Variants in VPS8 observed in about 807,000 individuals in gnomAD.
VPS8 encodes the protein vacuolar protein sorting-associated protein 8 homolog.
VPS8 carries 129 observed loss-of-function variants against 216.4 expected under a neutral mutation model. The ratio of observed to expected loss-of-function variants is 0.60; its 90% CI spans 0.52 to 0.69. VPS8 has a LOEUF of 0.69. Ranked by LOEUF, VPS8 falls within the 30% of genes least tolerant of loss-of-function variation. The pLI is 0.00. For missense variants in VPS8, 1,531 were observed against 1,683.5 expected, an observed-to-expected ratio of 0.91 and a Z score of 1.59; for synonymous variants, 571 against 565.4, an observed-to-expected ratio of 1.01 and a Z score of -0.14.
intron 26 of VPS8, among the ~76,000 whole-genome samples, 185 bp from the exon 27 acceptor site, chr3:184,914,796 A>G (rs1403171861): frequency 1.3e-5 from 2 of 152,144 alleles, no homozygotes; most frequent in Non-Finnish European, 2.9e-5. Context: ...TCACCTCCAT[A>G]TCTGTTGCCC....
chr3:184,899,185 CATTT>C (rs1734044381), intron 24 of VPS8, among the ~76,000 whole-genome samples: 1 of 152,138 alleles, frequency 6.6e-6, no homozygotes, highest in Non-Finnish European at 1.5e-5. Flanking sequence ...ATCTAAAAAA[CATTT>C]GGACTTACTT....
At chr3:184,918,699 G>A (rs1025350683) in intron 28 of VPS8, among the ~76,000 whole-genome samples, 2 of 152,176 alleles carry the variant, frequency 1.3e-5, no homozygotes, top group Non-Finnish European at 2.9e-5. Context: ...AAATGCATGT[G>A]TTAATTCTCC....
intron 1 of VPS8, chr3:184,824,131 A>G (rs1029159247): frequency 6.5e-6 from 1 of 153,850 alleles, no homozygotes; most frequent in African/African-American, 2.4e-5. Flanking sequence ...AAACTGGTTT[A>G]TATGCTTATT....
chr3:185,031,329 G>T (rs1037277622), intron 46 of VPS8, among the ~76,000 whole-genome samples: 3 of 152,042 alleles, frequency 2.0e-5, no homozygotes, highest in Admixed American at 2.0e-4. Flanking sequence ...GCAAAGATGC[G>T]AGTTCTCATA....
At chr3:184,875,258 C>T (rs1374415389) in intron 21 of VPS8, among the ~76,000 whole-genome samples, 2 of 152,000 alleles carry the variant, frequency 1.3e-5, no homozygotes, top group Non-Finnish European at 2.9e-5. Context: ...CAATTTTAAT[C>T]TTTACCCTTG....
At chr3:185,003,066 G>A (rs1366301697) in intron 45 of VPS8, among the ~76,000 whole-genome samples, 1 of 151,720 alleles carries the variant, frequency 6.6e-6, no homozygotes, top group Non-Finnish European at 1.5e-5. Context: ...ATTCCCACTA[G>A]CAGTGTAAAA....
At chr3:184,891,697 A>T (rs1732388070) in intron 22 of VPS8, among the ~76,000 whole-genome samples, 1 of 152,178 alleles carries the variant, frequency 6.6e-6, no homozygotes. Context: ...ATTTGTTAAA[A>T]TTCATTTGAA....
chr3:184,909,014 G>A (rs958358400), intron 25 of VPS8, among the ~76,000 whole-genome samples: 1 of 152,238 alleles, frequency 6.6e-6, no homozygotes, highest in Non-Finnish European at 1.5e-5. Context: ...ATCCGGACCA[G>A]TAATCTGGTC....
chr3:185,051,896 C>A lies in VPS8; in HGVS notation c.4158C>A (p.Leu1386=). The A allele has an allele frequency of 6.2e-7, 1 of 1,609,432 alleles. No individual in the cohort carries two copies. The highest frequency in any genetic ancestry group is 8.5e-7 in the Non-Finnish European group (1 of 1,177,668). ...TGCAGCTGGCTCTCCTCACGGAACT[C>A]TCCCAGAATCGCAGCAGCGAGAGCT... The part of the protein sequence containing the change: ...GSSRLALLTE[L]SQNRSSESYR... Residue 1386 remains leucine (L), a synonymous_variant, in exon 48 of 48, where the codon CTC becomes CTA. Coordinates refer to ENST00000625842, the MANE Select transcript of VPS8 (RefSeq NM_001009921.3).
chr3:184,986,944 A>G (rs1325346326), intron 42 of VPS8, among the ~76,000 whole-genome samples: 4 of 152,204 alleles, frequency 2.6e-5, no homozygotes, highest in African/African-American at 4.8e-5. Context: ...ATTATTAACT[A>G]AAGTCCATAG....
intron 25 of VPS8, among the ~76,000 whole-genome samples, chr3:184,910,992 T>C (rs929929860): frequency 6.6e-6 from 1 of 152,226 alleles, no homozygotes; most frequent in African/African-American, 2.4e-5. Context: ...TTCCCGTACC[T>C]AATAGTAGCC....
At chr3:184,903,311 G>GT (rs1004841765) in intron 25 of VPS8, among the ~76,000 whole-genome samples, 3 of 151,500 alleles carry the variant, frequency 2.0e-5, no homozygotes, top group African/African-American at 7.3e-5. Context: ...CAGCTCATCA[G>GT]TTTTTTTTAA....
intron 46 of VPS8, among the ~76,000 whole-genome samples, chr3:185,045,223 CAT>C (rs1315852700): frequency 4.3e-5 from 2 of 46,018 alleles, no homozygotes; most frequent in African/African-American, 1.9e-4. Flanking sequence ...TTGATCTTCT[CAT>C]GTGTTAGTGT....
chr3:184,961,690 A>G (rs1746531021), intron 37 of VPS8, among the ~76,000 whole-genome samples: 1 of 147,060 alleles, frequency 6.8e-6, no homozygotes, highest in Admixed American at 6.8e-5. Context: ...TTCTATTAAT[A>G]TCATACAGTA....
chr3:184,914,366 C>T (rs1011095767), intron 26 of VPS8, among the ~76,000 whole-genome samples: 3 of 152,178 alleles, frequency 2.0e-5, no homozygotes, highest in Middle Eastern at 3.4e-3. Context: ...GCTCCCTCCC[C>T]GCCAAAAAAT....
At chr3:184,860,207 C>G (rs1362823307) in intron 15 of VPS8, 142 bp downstream of exon 15, 2 of 728,746 alleles carry the variant, frequency 2.7e-6, no homozygotes, top group South Asian at 2.3e-5. Context: ...CACCGAGGCT[C>G]GTGCCTGTAG....
intron 22 of VPS8, among the ~76,000 whole-genome samples, chr3:184,887,538 T>G: frequency 6.6e-6 from 1 of 152,200 alleles, no homozygotes; most frequent in East Asian, 1.9e-4. Context: ...ACATTTTATA[T>G]AAGATGTGCC....
intron 16 of VPS8, 123 bp downstream of exon 16, chr3:184,863,190 T>A (rs1441627544): frequency 6.9e-5 from 79 of 1,149,856 alleles, no homozygotes; most frequent in Admixed American, 4.7e-4. Flanking sequence ...GGTGTTTCTT[T>A]ACAAGCCACT....
intron 34 of VPS8, among the ~76,000 whole-genome samples, chr3:184,933,527 T>TTGTGTGTGTGTG (rs35601004): frequency 1.3e-5 from 2 of 150,060 alleles, no homozygotes; most frequent in African/African-American, 4.9e-5. Context: ...CTTTCGATCT[T>TTGTGTGTGTGTG]TGTGTGTGTG....
Sources: gnomAD v4.1 joint callset for allele counts (sites outside exome capture counted in the v4.1 genomes callset) on GRCh38, gnomAD v4.1.1 for gene constraint, MANE v1.5 for transcripts, NCBI Gene and HGNC (gene_info 2026-07-23, HGNC 2026-07-21) for gene names.